The following ZNF536 variants were observed in gnomAD, a reference collection of about 807,000 sequenced individuals.
ZNF536 encodes zinc finger protein 536.
Under a neutral mutation model 84.5 loss-of-function variants are expected in ZNF536, and 13 were observed. The observed-to-expected ratio is 0.15, with a 90% CI of 0.10 to 0.24. The LOEUF (loss-of-function observed/expected upper bound fraction) is 0.24, where lower values mean the gene tolerates loss of function less well. Ranked by LOEUF, ZNF536 falls within the 10% of genes least tolerant of loss-of-function variation. The pLI, the probability that ZNF536 is intolerant of heterozygous loss-of-function variation, is 1.00. For missense variants in ZNF536, 1,536 were observed against 1,747.5 expected (o/e 0.88, Z 2.16); for synonymous variants, 811 against 742.5 (o/e 1.09, Z -1.50).
chr19:30,477,975 G>A (rs944060919), intron 2 of ZNF536, among the ~76,000 whole-genome samples: 1 of 152,014 alleles, frequency 6.6e-6, no homozygotes, highest in African/African-American at 2.4e-5. Flanking sequence ...TTTTAGAAAA[G>A]CACCTTGCAG....
intron 1 of ZNF536, among the ~76,000 whole-genome samples, chr19:30,710,337 C>T (rs1237699817): frequency 6.6e-6 from 1 of 152,144 alleles, no homozygotes; most frequent in Non-Finnish European, 1.5e-5. Context: ...GAGGCAGGAG[C>T]TCGAGACCAG....
intron 1 of ZNF536, among the ~76,000 whole-genome samples, chr19:30,601,037 A>C (rs1170944747): frequency 1.3e-5 from 2 of 152,198 alleles, no homozygotes; most frequent in Non-Finnish European, 2.9e-5. Flanking sequence ...TCCAGGCCAG[A>C]TTGAGGTTAG....
At chr19:30,599,115 C>A (rs534054442) in intron 1 of ZNF536, among the ~76,000 whole-genome samples, 2 of 133,576 alleles carry the variant, frequency 1.5e-5, no homozygotes, top group Non-Finnish European at 3.2e-5. Flanking sequence ...TCCTCCCTCC[C>A]TCCCTCTCTC....
chr19:30,276,787 G>A (rs138149453), intron 1 of ZNF536, among the ~76,000 whole-genome samples: 23 of 151,854 alleles, frequency 1.5e-4, no homozygotes, highest in Admixed American at 3.3e-4. Flanking sequence ...TTAAGCTCAC[G>A]TCACCAGGAG....
chr19:30,632,681 A>G (rs941855221), intron 1 of ZNF536, among the ~76,000 whole-genome samples: 2 of 151,324 alleles, frequency 1.3e-5, no homozygotes, highest in South Asian at 2.1e-4. Flanking sequence ...CAACCAACCA[A>G]CCAACCAACC....
In ZNF536 at chr19:30,548,269, G is replaced by A. The variant is rs2146193114; in HGVS notation, c.2650G>A (p.Ala884Thr). 3 of 1,614,202 alleles carry A rather than the reference G, an allele frequency of 1.9e-6. No homozygotes were observed. Among genetic ancestry groups the A allele is most frequent in the Non-Finnish European group, 1.7e-6 (2 of 1,180,036 alleles). ...CATGTCTTCGGAGGTCCCCTCAGAT[G>A]CTCTGAAAGGCACTGACCTTCCTTC... ...TGMSSEVPSDALKGTDLPSKS... is the reference protein window; with the variant it reads ...TGMSSEVPSDTLKGTDLPSKS... The change falls in exon 4 of 5, where the codon GCT (alanine) becomes ACT (threonine). Residue 884 changes from alanine to threonine, a missense_variant. By Grantham distance (58) the Ala-to-Thr change is moderately conservative. Coordinates refer to ENST00000355537, the MANE Select transcript of ZNF536 (RefSeq NM_014717.3).
intron 1 of ZNF536, among the ~76,000 whole-genome samples, chr19:30,617,333 C>CTTTT (rs556835599): frequency 0.018 from 697 of 37,676 alleles, 197 homozygotes; most frequent in Non-Finnish European, 0.02. Context: ...GAATAGCTTA[C>CTTTT]TTTTTTTTTT....
chr19:30,642,607 G>T (rs1252181143), intron 1 of ZNF536, among the ~76,000 whole-genome samples: 3 of 152,206 alleles, frequency 2.0e-5, no homozygotes, highest in African/African-American at 7.2e-5. Context: ...TGTCATTACG[G>T]AGAGGAGGCT....
downstream of ZNF536, among the ~76,000 whole-genome samples, chr19:30,562,894 T>G (rs2046222881): frequency 6.6e-6 from 1 of 152,204 alleles, no homozygotes. Context: ...CGGGGTAGTT[T>G]GGAACAGTAT....
intron 1 of ZNF536, among the ~76,000 whole-genome samples, chr19:30,435,450 G>A (rs1180471608): frequency 8.6e-5 from 13 of 151,840 alleles, no homozygotes; most frequent in Admixed American, 8.5e-4. Flanking sequence ...TGGTGAAGAT[G>A]ATGGTGATGG....
intron 1 of ZNF536, among the ~76,000 whole-genome samples, chr19:30,685,124 G>C (rs540755617): frequency 2.6e-4 from 40 of 152,242 alleles, no homozygotes; most frequent in Middle Eastern, 6.8e-3. Flanking sequence ...TGGGGGGAGG[G>C]GTCTTTATCA....
intron 2 of ZNF536, among the ~76,000 whole-genome samples, chr19:30,338,638 A>G (rs1304249314): frequency 6.6e-6 from 1 of 152,064 alleles, no homozygotes; most frequent in Non-Finnish European, 1.5e-5. Context: ...GGGAGAAACT[A>G]CTTGACCTCC....
At chr19:30,489,390 G>T (rs1261998305) in intron 2 of ZNF536, among the ~76,000 whole-genome samples, 2 of 152,010 alleles carry the variant, frequency 1.3e-5, no homozygotes, top group Non-Finnish European at 1.5e-5. Context: ...TACCAGCCTG[G>T]GTAACATAGC....
chr19:30,476,652 C>T (rs755300690), intron 2 of ZNF536, among the ~76,000 whole-genome samples: 24 of 152,212 alleles, frequency 1.6e-4, no homozygotes, highest in African/African-American at 2.2e-4. Flanking sequence ...CTGTGGCTCA[C>T]GGCCGCTTAG....
chr19:30,543,181 G>A lies in ZNF536; in HGVS notation c.2324-4762G>A, dbSNP rs953300744. 5.3e-5 allele frequency among the ~76,000 whole-genome samples: 8 copies of A among 152,322 alleles called. No homozygotes were observed. In the South Asian group the frequency reaches 1.7e-3, roughly 32 times the overall value. On this transcript the variant is annotated intron_variant, in intron 3 of 4. Transcript: ENST00000355537. ...TAGAGTTGAGTGACACTGTGCTCCAGGAGAGAACGGCTGTTTTGCATACTC... is the reference window on the plus strand; with the variant it reads ...TAGAGTTGAGTGACACTGTGCTCCAAGAGAGAACGGCTGTTTTGCATACTC...
At chr19:30,435,613 T>TTGC (rs1394186613) in intron 1 of ZNF536, among the ~76,000 whole-genome samples, 1 of 151,904 alleles carries the variant, frequency 6.6e-6, no homozygotes, top group Admixed American at 6.6e-5. Context: ...GGTGATGCTC[T>TTGC]TGCTGCTGCT....
At chr19:30,372,100 G>T (rs2048631214), upstream of ZNF536, among the ~76,000 whole-genome samples, 2 of 152,162 alleles carry the variant, frequency 1.3e-5, no homozygotes, top group African/African-American at 4.8e-5. Flanking sequence ...ACTTAGGATG[G>T]GATTGGCTCT....
At chr19:30,257,344 A>C (rs955322978) in intron 1 of ZNF536, among the ~76,000 whole-genome samples, 1 of 152,248 alleles carries the variant, frequency 6.6e-6, no homozygotes, top group African/African-American at 2.4e-5. Context: ...CTGTCATCAA[A>C]AGCCACATTT....
rs2148209703 is a variant in ZNF536 at position 30,445,059 on chromosome 19, A to C, written c.1497A>C (p.Lys499Asn). 6.2e-7 allele frequency: 1 copy of C among 1,613,616 alleles called. No homozygotes were observed. The highest frequency in any genetic ancestry group is 8.5e-7 in the Non-Finnish European group (1 of 1,180,016). ...LGCLNLVPPLKSSCIERLQAA... is the reference protein window; with the variant it reads ...LGCLNLVPPLNSSCIERLQAA... The stretch of plus-strand genomic sequence containing the variant: ...GCCTCAATCTCGTGCCGCCGCTGAA[A>C]TCCAGCTGCATCGAGCGGCTGCAGG... Residue 499 changes from lysine (K) to asparagine (N), a missense_variant, in exon 2 of 5, where the codon AAA becomes AAC. Coordinates refer to ENST00000355537, the MANE Select transcript of ZNF536 (RefSeq NM_014717.3). This position sits in a 1 kb window ranked among gnomAD's most constrained non-coding sequence, Gnocchi z 4.5.
Sources: gnomAD v4.1 joint callset for allele counts (sites outside exome capture counted in the v4.1 genomes callset) on GRCh38, gnomAD v4.1.1 for gene constraint, Gnocchi (gnomAD v3.1) non-coding constraint, MANE v1.5 for transcripts, NCBI Gene and HGNC (gene_info 2026-07-23, HGNC 2026-07-21) for gene names.